Variants in MS4A6E observed in about 807,000 individuals in gnomAD.
MS4A6E encodes membrane-spanning 4-domains subfamily A member 6E.
Under a neutral mutation model 13.2 loss-of-function variants are expected in MS4A6E, and 8 were observed. That is an observed-to-expected ratio of 0.60 (90% CI 0.35 to 1.09). MS4A6E has a LOEUF of 1.09. Among genes scored for constraint, MS4A6E ranks in the 50% least tolerant of loss-of-function variants. MS4A6E has a pLI of 0.02. For missense variants in MS4A6E, 177 were observed against 171.1 expected (o/e 1.03, Z -0.19); for synonymous variants, 72 against 67.6 (o/e 1.06, Z -0.32).
chr11:60,345,260 T>C (rs2085251376), downstream of MS4A6E, among the ~76,000 whole-genome samples: 2 of 152,202 alleles, frequency 1.3e-5, no homozygotes, highest in African/African-American at 4.8e-5. Flanking sequence ...AGGAGATCCA[T>C]TAGCAGTAAG....
At chr11:60,334,280 T>C (rs181703760) in intron 1 of MS4A6E, among the ~76,000 whole-genome samples, 1 of 152,010 alleles carries the variant, frequency 6.6e-6, no homozygotes. Flanking sequence ...CCTCTTTAAC[T>C]GGGAAATTAC....
intron 1 of MS4A6E, among the ~76,000 whole-genome samples, chr11:60,328,571 G>A (rs1565154557): frequency 1.3e-5 from 2 of 151,382 alleles, no homozygotes. Context: ...ATATAATTCA[G>A]ACTTAAAAAA....
intron 1 of MS4A6E, among the ~76,000 whole-genome samples, chr11:60,330,823 T>C (rs1207731592): frequency 6.6e-6 from 1 of 152,154 alleles, no homozygotes; most frequent in Non-Finnish European, 1.5e-5. Context: ...CCAGTTTTAG[T>C]TTTCTGCATA....
chr11:60,343,231 A>G (rs1435710149), downstream of MS4A6E, among the ~76,000 whole-genome samples: 1 of 152,200 alleles, frequency 6.6e-6, no homozygotes, highest in Non-Finnish European at 1.5e-5. Context: ...ATAGGCCATA[A>G]CCATGCCAGT....
chr11:60,330,661 G>A (rs549200638), intron 1 of MS4A6E, among the ~76,000 whole-genome samples: 116 of 152,132 alleles, frequency 7.6e-4, no homozygotes, highest in South Asian at 2.3e-3. Context: ...TGTTGCAATT[G>A]CTTTTGGTTT....
At chr11:60,346,743 G>T (rs1359683769) in intron 4 of MS4A6E, among the ~76,000 whole-genome samples, 1 of 152,152 alleles carries the variant, frequency 6.6e-6, no homozygotes, top group Non-Finnish European at 1.5e-5. Context: ...TTCCTATTTG[G>T]AATGGTGTTT....
At chr11:60,345,747 T>C (rs977404305), downstream of MS4A6E, among the ~76,000 whole-genome samples, 12 of 152,314 alleles carry the variant, frequency 7.9e-5, no homozygotes, top group African/African-American at 2.9e-4. Flanking sequence ...TGCCACATTA[T>C]GTGGGGTGTA....
chr11:60,345,687 A>G (rs1282137310), downstream of MS4A6E, among the ~76,000 whole-genome samples: 1 of 152,232 alleles, frequency 6.6e-6, no homozygotes, highest in Admixed American at 6.5e-5. Context: ...GAGTCTGTTA[A>G]GGAGCTGGCT....
At chr11:60,336,705 G>T (rs1302126619) in intron 2 of MS4A6E, among the ~76,000 whole-genome samples, 1 of 152,168 alleles carries the variant, frequency 6.6e-6, no homozygotes, top group African/African-American at 2.4e-5. Context: ...GGGTCCCAGA[G>T]CATCAACTGG....
At chr11:60,331,797 G>T (rs1055889704) in intron 1 of MS4A6E, among the ~76,000 whole-genome samples, 1 of 152,180 alleles carries the variant, frequency 6.6e-6, no homozygotes, top group African/African-American at 2.4e-5. Flanking sequence ...TTTGCAAGGC[G>T]ATAAGGTAAC....
At chr11:60,337,603 G>A (rs760708590) in intron 2 of MS4A6E, 138 bp from the exon 3 acceptor site, 60 of 1,000,102 alleles carry the variant, frequency 6.0e-5, no homozygotes, top group Non-Finnish European at 8.6e-5. Context: ...CACTGGAGAG[G>A]CCTACAACAA....
rs139925316 is a variant in MS4A6E at position 60,348,078 on chromosome 11, A to T, written c.*162+7150A>T. On this transcript the variant is annotated intron_variant and NMD_transcript_variant, in intron 4 of 4. Coordinates refer to the MS4A6E transcript ENST00000532756. ...ACTAAAGGCAGAAGAGGTTTCTTTA[A>T]AAAACCCAGGAACCAAATGGTGGTT... is the stretch of plus-strand genomic sequence containing the variant. 3.5e-3 allele frequency among the ~76,000 whole-genome samples: 526 copies of T among 152,330 alleles called. 4 individuals are homozygous for T. Among genetic ancestry groups the T allele is most frequent in the South Asian group, 0.015 (73 of 4,822 alleles).
chr11:60,338,667 G>C (rs912946051), intron 3 of MS4A6E: 1 of 152,124 alleles, frequency 6.6e-6, no homozygotes, highest in Non-Finnish European at 1.5e-5. Flanking sequence ...AAAAATTAAG[G>C]GGTATGTGCA....
chr11:60,338,036 G>A, intron 3 of MS4A6E, 89 bp downstream of exon 3: 1 of 1,366,668 alleles, frequency 7.3e-7, no homozygotes, highest in Non-Finnish European at 1.0e-6. Flanking sequence ...AAATCTCTCT[G>A]TTAATTCTGG....
downstream of MS4A6E, among the ~76,000 whole-genome samples, chr11:60,341,428 C>T (rs1403442842): frequency 6.6e-6 from 1 of 152,114 alleles, no homozygotes; most frequent in African/African-American, 2.4e-5. Flanking sequence ...ACTCAATTTT[C>T]TCCTCACCAA....
intron 4 of MS4A6E, among the ~76,000 whole-genome samples, chr11:60,348,357 G>T (rs752243218): frequency 6.6e-6 from 1 of 152,198 alleles, no homozygotes; most frequent in Admixed American, 6.5e-5. Flanking sequence ...ATGAAGGGTA[G>T]AAAGAGTACA....
At position 60,334,992 on chromosome 11, in the gene MS4A6E, G is replaced by C. The variant is rs2085179343; in HGVS notation, c.97G>C (p.Gly33Arg). 6.2e-7 allele frequency: 1 copy of C among 1,614,132 alleles called. No individual in the cohort carries two copies. Among genetic ancestry groups the C allele is most frequent in the Non-Finnish European group, 8.5e-7 (1 of 1,180,018 alleles). Residue 33 changes from glycine to arginine, a missense_variant, in exon 2 of 5, where the codon GGG becomes CGG. Coordinates refer to ENST00000684409, the MANE Select transcript of MS4A6E (RefSeq NM_139249.4). ...AGAGAAACCCGAACCCACCAACCAG[G>C]GGCAGGATAGCCTGAAGAAACGTCT... is the stretch of plus-strand genomic sequence containing the variant. ...QAEKPEPTNQ[G>R]QDSLKKRLQA...
chr11:60,335,912 C>T (rs72924659), intron 2 of MS4A6E, among the ~76,000 whole-genome samples: 35,615 of 151,944 alleles, frequency 0.23, 4,998 homozygotes, highest in South Asian at 0.43. Flanking sequence ...ATGATGAGAA[C>T]ACATGGACAC....
intron 4 of MS4A6E, among the ~76,000 whole-genome samples, chr11:60,347,859 G>A (rs1463012348): frequency 4.6e-5 from 7 of 152,100 alleles, no homozygotes; most frequent in Non-Finnish European, 2.9e-5. Context: ...TGATCTGCAT[G>A]GCTCCCCAAA....
Sources: gnomAD v4.1 joint callset for allele counts (sites outside exome capture counted in the v4.1 genomes callset) on GRCh38, gnomAD v4.1.1 for gene constraint, MANE v1.5 for transcripts, NCBI Gene and HGNC (gene_info 2026-07-23, HGNC 2026-07-21) for gene names.